The following C11orf87 variants were observed in gnomAD, a reference collection of about 807,000 sequenced individuals.
The protein encoded by C11orf87 is chromosome 11 open reading frame 87.
A neutral mutation model predicts 9.2 loss-of-function variants in C11orf87; 3 were observed. The ratio of observed to expected loss-of-function variants is 0.33; its 90% CI spans 0.15 to 0.84. The LOEUF (loss-of-function observed/expected upper bound fraction) is 0.84, where lower values mean the gene tolerates loss of function less well. C11orf87 is among the 40% of genes least tolerant of loss of function. The probability of loss-of-function intolerance (pLI) is 0.55; values close to 1 mark genes in which losing one functional copy is unlikely to be tolerated. For synonymous variants in C11orf87, 124 were observed against 124.6 expected, an observed-to-expected ratio of 1.00 and a Z score of 0.03; for missense variants, 256 against 270.7, an observed-to-expected ratio of 0.95 and a Z score of 0.38.
Position 109,425,629 on chromosome 11 carries a change from A to G in C11orf87, c.*1402A>G, listed in dbSNP as rs1860562902. 6.2e-6 allele frequency: 1 copy of G among 162,600 alleles called. No homozygotes were observed. Among genetic ancestry groups the G allele is most frequent in the African/African-American group, 2.4e-5 (1 of 41,462 alleles). 10.1% of individuals were successfully genotyped at this position (162,600 alleles called of 1,614,324 possible). A position where few individuals can be genotyped will look rare whatever the true frequency, so the allele number is the denominator to read the frequency against. ...ATTTTTTCTTTTGCAAATAATAGAA[A>G]AAACACAACCACAGAAACAAACAAA... On this transcript the variant is annotated 3_prime_UTR_variant, in exon 2 of 2. Coordinates refer to ENST00000327419, the MANE Select transcript of C11orf87 (RefSeq NM_207645.4).
At position 109,423,516 on chromosome 11, in the gene C11orf87, C is replaced by T; in HGVS notation, c.-118C>T. The T allele has an allele frequency of 9.3e-7, 1 of 1,071,040 alleles. No individual in the cohort carries two copies. The highest frequency in any genetic ancestry group is 1.3e-6 in the Non-Finnish European group (1 of 762,960). 66.3% of individuals were successfully genotyped at this position (1,071,040 alleles called of 1,614,324 possible). A position where few individuals can be genotyped will look rare whatever the true frequency, so the allele number is the denominator to read the frequency against. The stretch of plus-strand genomic sequence containing the variant: ...TAGTCCTTGGCTCGCTCGCACACCC[C>T]CTCCCGCTACAGGGAGCAGTTTTGG... On this transcript the variant is annotated 5_prime_UTR_variant, in exon 2 of 2. Transcript: ENST00000327419. This position sits in a 1 kb window ranked among gnomAD's most constrained non-coding sequence, Gnocchi z 5.3.
rs370137304 is a variant in C11orf87, at chr11:109,427,322, A to C, written c.*3095A>C. On this transcript the variant is annotated 3_prime_UTR_variant, in exon 2 of 2. Transcript: ENST00000327419. ...TGAGTCAGATTTCATACTGAGCTTA[A>C]TATACTCAAAACCTAAGCTTCCAGT... is the stretch of plus-strand genomic sequence containing the variant. 1 of 152,166 alleles carries C rather than the reference A, an allele frequency of 6.6e-6. No homozygotes were observed. Among genetic ancestry groups the C allele is most frequent in the Admixed American group, 6.5e-5 (1 of 15,272 alleles). 9.4% of individuals were successfully genotyped at this position (152,166 alleles called of 1,614,324 possible).
At position 109,428,321 on chromosome 11, in the gene C11orf87, T is replaced by C. The variant is rs2298471; in HGVS notation, c.*4094T>C. 9 of 152,284 alleles carry C rather than the reference T, an allele frequency of 5.9e-5. No homozygotes were observed. The East Asian group carries it at 1.7e-3, about 29-fold the overall frequency. 9.4% of individuals were successfully genotyped at this position (152,284 alleles called of 1,614,324 possible). A position where few individuals can be genotyped will look rare whatever the true frequency, so the allele number is the denominator to read the frequency against. ...TCTGTTTAGTTTGAGAAATCATTTT[T>C]GGATAATATGGATAAATTAGCTTTA... On this transcript the variant is annotated 3_prime_UTR_variant, in exon 2 of 2. Transcript: ENST00000327419.
rs1860577442 is a variant in C11orf87 at position 109,426,720 on chromosome 11, T to G, written c.*2493T>G. On this transcript the variant is annotated 3_prime_UTR_variant, in exon 2 of 2. Transcript: ENST00000327419. ...TGTGAAGAAGAAAGTCCATTGATTT[T>G]TGTAGCTTACCCTCATCCAGTGGTA... is the stretch of plus-strand genomic sequence containing the variant. The G allele has an allele frequency of 6.6e-6, 1 of 152,208 alleles. No homozygotes were observed. Among genetic ancestry groups the G allele is most frequent in the African/African-American group, 2.4e-5 (1 of 41,448 alleles). The allele number at this position is 152,208 out of a possible 1,614,324, so 9.4% of individuals were successfully genotyped here.
rs1283078128 is a variant in C11orf87 at position 109,428,414 on chromosome 11, G to T, written c.*4187G>T. ...TATCAATTGTATTAATTAGATAATG[G>T]TTAAATTTTTATTTTTTTATCATGT... On this transcript the variant is annotated 3_prime_UTR_variant, in exon 2 of 2. Coordinates refer to ENST00000327419, the MANE Select transcript of C11orf87 (RefSeq NM_207645.4). 3 of 152,042 alleles carry T rather than the reference G, an allele frequency of 2.0e-5. No homozygotes were observed. The highest frequency in any genetic ancestry group is 2.9e-5 in the Non-Finnish European group (2 of 67,976). 9.4% of individuals were successfully genotyped at this position (152,042 alleles called of 1,614,324 possible).
chr11:109,423,430 G>C lies in C11orf87; in HGVS notation c.-204G>C, dbSNP rs1452244949. 3 of 588,046 alleles carry C rather than the reference G, an allele frequency of 5.1e-6. No individual in the cohort carries two copies. Among genetic ancestry groups the C allele is most frequent in the Admixed American group, 3.1e-5 (1 of 31,994 alleles). 36.4% of individuals were successfully genotyped at this position (588,046 alleles called of 1,614,324 possible). A position where few individuals can be genotyped will look rare whatever the true frequency, so the allele number is the denominator to read the frequency against. On this transcript the variant is annotated 5_prime_UTR_variant, in exon 2 of 2. Coordinates refer to ENST00000327419, the MANE Select transcript of C11orf87 (RefSeq NM_207645.4). The surrounding 1 kb of genome is among the most constrained non-coding windows in gnomAD (Gnocchi z 5.3). ...TGGAGACGTGTTCGAGGTGGTATCG[G>C]CGAGGATCTCTCGGGCGCCGCTCAC...
In C11orf87 at chr11:109,424,162, C is replaced by T. The variant is rs762313104; in HGVS notation, c.529C>T (p.His177Tyr). 14 of 1,614,078 alleles carry T rather than the reference C, an allele frequency of 8.7e-6. No homozygotes were observed. The highest frequency in any genetic ancestry group is 1.2e-5 in the Non-Finnish European group (14 of 1,180,056). The change falls in exon 2 of 2, where the codon CAC (histidine) becomes TAC (tyrosine). Residue 177 changes from histidine (H) to tyrosine (Y), a missense_variant. His to Tyr is a moderately conservative substitution (Grantham distance 83, BLOSUM62 2). Coordinates refer to ENST00000327419, the MANE Select transcript of C11orf87 (RefSeq NM_207645.4). The surrounding 1 kb of genome is among the most constrained non-coding windows in gnomAD (Gnocchi z 4.7). ...PPPASSPQGA[H>Y]AASSCLDTAG... ...GCCAGCCTCCAGTCCCCAAGGAGCA[C>T]ACGCAGCTTCCTCCTGTTTGGACAC...
In C11orf87 at chr11:109,423,155, C is replaced by CCGG. The variant is rs1860517123; in HGVS notation, c.-259-217_-259-215dup. On this transcript the variant is annotated intron_variant, in intron 1 of 1. Transcript: ENST00000327419. The surrounding 1 kb of genome is among the most constrained non-coding windows in gnomAD (Gnocchi z 5.3). ...CTGAGTAATCTGCACCTCCGCGGTG[C>CCGG]CGGCGCAGACCCCATCCTGTCGAGT... Among the ~76,000 whole-genome samples the CCGG allele has an allele frequency of 6.6e-6, 1 of 152,192 alleles. No homozygotes were observed. The highest frequency in any genetic ancestry group is 1.5e-5 in the Non-Finnish European group (1 of 68,046).
In C11orf87 at chr11:109,424,751, T is replaced by C. The variant is rs1316989190; in HGVS notation, c.*524T>C. ...TCCTTTAGCTTCCCTTTCCTCCCCA[T>C]TCCCACCCTCAGCCGGGCTCAGGCA... On this transcript the variant is annotated 3_prime_UTR_variant, in exon 2 of 2. Transcript: ENST00000327419. The surrounding 1 kb of genome is among the most constrained non-coding windows in gnomAD (Gnocchi z 4.7). The C allele has an allele frequency of 6.0e-6, 1 of 167,180 alleles. No individual in the cohort carries two copies. The highest frequency in any genetic ancestry group is 2.1e-4 in the South Asian group (1 of 4,824). The allele number at this position is 167,180 out of a possible 1,614,324, so 10.4% of individuals were successfully genotyped here. A position where few individuals can be genotyped will look rare whatever the true frequency, so the allele number is the denominator to read the frequency against.
Position 109,424,170 on chromosome 11 carries a change from TTCC to T in C11orf87, c.542_544del (p.Ser181del). ...CCAGTCCCCAAGGAGCACACGCAGC[TTCC>T]TCCTGTTTGGACACAGCTGGCGAGG... On this transcript the variant is annotated inframe_deletion, in exon 2 of 2. Transcript: ENST00000327419. The surrounding 1 kb of genome is among the most constrained non-coding windows in gnomAD (Gnocchi z 4.7). 5 of 1,614,188 alleles carry T rather than the reference TTCC, an allele frequency of 3.1e-6. No homozygotes were observed. Among genetic ancestry groups the T allele is most frequent in the Non-Finnish European group, 4.2e-6 (5 of 1,180,034 alleles).
rs374009971 is a variant in C11orf87 at position 109,425,989 on chromosome 11, A to C, written c.*1762A>C. ...CATACAAAAATACTGAGAAAAAAAG[A>C]AAGTGAGAAAATAAGATAAATATTT... is the stretch of plus-strand genomic sequence containing the variant. On this transcript the variant is annotated 3_prime_UTR_variant, in exon 2 of 2. Coordinates refer to ENST00000327419, the MANE Select transcript of C11orf87 (RefSeq NM_207645.4). 5.9e-5 allele frequency: 9 copies of C among 152,352 alleles called. No individual in the cohort carries two copies. In the South Asian group the frequency reaches 1.7e-3, roughly 28 times the overall value. 9.4% of individuals were successfully genotyped at this position (152,352 alleles called of 1,614,324 possible). A position where few individuals can be genotyped will look rare whatever the true frequency, so the allele number is the denominator to read the frequency against.
Position 109,423,859 on chromosome 11 carries a change from G to C in C11orf87, c.226G>C (p.Val76Leu), listed in dbSNP as rs574525177. ...VLVTLIFCLIVLSLSTFHIHK... is the reference protein window; with the variant it reads ...VLVTLIFCLILLSLSTFHIHK... ...GGTTACCCTCATCTTCTGCCTCATCGTGCTGTCCCTCTCCACTTTCCACAT... is the reference window on the plus strand; with the variant it reads ...GGTTACCCTCATCTTCTGCCTCATCCTGCTGTCCCTCTCCACTTTCCACAT... Residue 76 changes from valine to leucine, a missense_variant, in exon 2 of 2, where the codon GTG (valine) becomes CTG (leucine). By Grantham distance (32) the Val-to-Leu change is conservative (BLOSUM62 1). Coordinates refer to ENST00000327419, the MANE Select transcript of C11orf87 (RefSeq NM_207645.4). This position sits in a 1 kb window ranked among gnomAD's most constrained non-coding sequence, Gnocchi z 5.3. 7.4e-6 allele frequency: 12 copies of C among 1,614,108 alleles called. No homozygotes were observed. Among genetic ancestry groups the C allele is most frequent in the African/African-American group, 2.7e-5 (2 of 75,052 alleles).
In C11orf87 at chr11:109,424,391, T is replaced by G. The variant is rs1408508858; in HGVS notation, c.*164T>G. 1.7e-6 allele frequency: 1 copy of G among 601,690 alleles called. No homozygotes were observed. The highest frequency in any genetic ancestry group is 1.9e-5 in the African/African-American group (1 of 53,304). 37.3% of individuals were successfully genotyped at this position (601,690 alleles called of 1,614,324 possible). On this transcript the variant is annotated 3_prime_UTR_variant, in exon 2 of 2. Coordinates refer to ENST00000327419, the MANE Select transcript of C11orf87 (RefSeq NM_207645.4). This position sits in a 1 kb window ranked among gnomAD's most constrained non-coding sequence, Gnocchi z 4.7. ...TTGTTTCTCCTCCGCCGAGGCACTG[T>G]GCGGTATTTGTAAATATTGGGCGAG... is the stretch of plus-strand genomic sequence containing the variant.
chr11:109,428,993 T>C lies in C11orf87; in HGVS notation c.*4766T>C, dbSNP rs565975421. 1.3e-5 allele frequency: 2 copies of C among 152,210 alleles called. No homozygotes were observed. Among genetic ancestry groups the C allele is most frequent in the African/African-American group, 4.8e-5 (2 of 41,546 alleles). The allele number at this position is 152,210 out of a possible 1,614,324, so 9.4% of individuals were successfully genotyped here. ...AGATGAACAGCAACAACAGTGACAA[T>C]GATGACAACAGAAAAACTGACTTTT... On this transcript the variant is annotated 3_prime_UTR_variant, in exon 2 of 2. Transcript: ENST00000327419.
Position 109,428,876 on chromosome 11 carries a change from T to C in C11orf87, c.*4649T>C, listed in dbSNP as rs746780141. Reference sequence around the variant, plus strand: ...ACAATAAGAATTTAATCAACTTTATTTGGAGACAATGACTTATCAAGGAGG... The same window carrying C: ...ACAATAAGAATTTAATCAACTTTATCTGGAGACAATGACTTATCAAGGAGG... On this transcript the variant is annotated 3_prime_UTR_variant, in exon 2 of 2. Coordinates refer to ENST00000327419, the MANE Select transcript of C11orf87 (RefSeq NM_207645.4). 6.6e-6 allele frequency: 1 copy of C among 152,202 alleles called. No homozygotes were observed. The highest frequency in any genetic ancestry group is 1.5e-5 in the Non-Finnish European group (1 of 68,012). 9.4% of individuals were successfully genotyped at this position (152,202 alleles called of 1,614,324 possible).
In C11orf87 at chr11:109,423,982, C is replaced by A. The variant is rs1405945025; in HGVS notation, c.349C>A (p.Arg117=). ...CAGCCGCGGTGGCGGGGGGCTGCCC[C>A]GACCTGGCAGGCAGGCCCCAACCCA... ...SGSRGGGGLP[R]PGRQAPTHAK... is the part of the protein sequence containing the mutation. The change falls in exon 2 of 2, where the codon CGA becomes AGA. Residue 117 remains arginine, a synonymous_variant. Coordinates refer to ENST00000327419, the MANE Select transcript of C11orf87 (RefSeq NM_207645.4). This position sits in a 1 kb window ranked among gnomAD's most constrained non-coding sequence, Gnocchi z 5.3. The A allele has an allele frequency of 6.2e-7, 1 of 1,613,914 alleles. No homozygotes were observed. Among genetic ancestry groups the A allele is most frequent in the South Asian group, 1.1e-5 (1 of 91,062 alleles).
rs1343546238 is a variant in C11orf87 at position 109,423,049 on chromosome 11, A to T, written c.-259-326A>T. On this transcript the variant is annotated intron_variant, in intron 1 of 1. Transcript: ENST00000327419. The surrounding 1 kb of genome is among the most constrained non-coding windows in gnomAD (Gnocchi z 5.3). ...AAAGAGGAGAGCCGGCGCTCTGGGA[A>T]GTAGGGACTTCAACCAAAGCGGCTG... 6.6e-6 allele frequency among the ~76,000 whole-genome samples: 1 copy of T among 152,104 alleles called. No individual in the cohort carries two copies. The highest frequency in any genetic ancestry group is 2.4e-5 in the African/African-American group (1 of 41,424).
At chr11:109,422,703 G>T (rs1390270292) in intron 1 of C11orf87, among the ~76,000 whole-genome samples, 1 of 147,588 alleles carries the variant, frequency 6.8e-6, no homozygotes, top group Non-Finnish European at 1.5e-5. Flanking sequence ...TGTGTCAGCT[G>T]AGAAAGATGC....
In C11orf87 at chr11:109,423,492, A is replaced by T; in HGVS notation, c.-142A>T. 1.2e-6 allele frequency: 1 copy of T among 825,626 alleles called. No homozygotes were observed. The highest frequency in any genetic ancestry group is 1.8e-6 in the Non-Finnish European group (1 of 542,868). 51.1% of individuals were successfully genotyped at this position (825,626 alleles called of 1,614,324 possible). ...CTTGCTTGCCAGCAGTTGCTCCCTT[A>T]GTCCTTGGCTCGCTCGCACACCCCC... is the stretch of plus-strand genomic sequence containing the variant. On this transcript the variant is annotated 5_prime_UTR_variant, in exon 2 of 2. Coordinates refer to ENST00000327419, the MANE Select transcript of C11orf87 (RefSeq NM_207645.4). The surrounding 1 kb of genome is among the most constrained non-coding windows in gnomAD (Gnocchi z 5.3).
Sources: gnomAD v4.1 joint callset for allele counts (sites outside exome capture counted in the v4.1 genomes callset) on GRCh38, gnomAD v4.1.1 for gene constraint, Gnocchi (gnomAD v3.1) non-coding constraint, MANE v1.5 for transcripts, NCBI Gene and HGNC (gene_info 2026-07-23, HGNC 2026-07-21) for gene names.